The following SNX29 variants were observed in gnomAD, a reference collection of about 807,000 sequenced individuals.
SNX29 encodes sorting nexin 29, also known as sorting nexin-29.
In SNX29, 78 loss-of-function variants were observed where a neutral mutation model predicts 102.1. The ratio of observed to expected loss-of-function variants is 0.76; its 90% CI spans 0.64 to 0.92. SNX29 has a LOEUF of 0.92. Ranked by LOEUF, SNX29 falls within the 40% of genes least tolerant of loss-of-function variation. The pLI is 0.00. For missense variants in SNX29, 1,280 were observed against 1,061.7 expected (o/e 1.21, Z -2.86); for synonymous variants, 580 against 414.5 (o/e 1.40, Z -4.85).
At chr16:12,556,172 ACATCCCAGATGTTGCTGAGT>A (rs2078334594) in intron 20 of SNX29, among the ~76,000 whole-genome samples, 1 of 152,072 alleles carries the variant, frequency 6.6e-6, no homozygotes, top group African/African-American at 2.4e-5. Context: ...TCGCCATGAC[ACATCCCAGATGTTGCTGAGT>A]CTGAAATGCA....
intron 20 of SNX29, among the ~76,000 whole-genome samples, chr16:12,559,144 A>AC (rs965111253): frequency 6.6e-6 from 1 of 151,870 alleles, no homozygotes; most frequent in Admixed American, 6.6e-5. Context: ...CTGGTCCCCA[A>AC]CCCCTGGCCC....
At chr16:12,227,948 C>T (rs1211527513) in intron 14 of SNX29, among the ~76,000 whole-genome samples, 1 of 144,404 alleles carries the variant, frequency 6.9e-6, no homozygotes. Flanking sequence ...GGTCTCTGGA[C>T]CAGCAGTAGT....
At chr16:12,493,568 C>G (rs766867581) in intron 19 of SNX29, among the ~76,000 whole-genome samples, 6 of 152,164 alleles carry the variant, frequency 3.9e-5, no homozygotes, top group Non-Finnish European at 7.4e-5. Flanking sequence ...ACTTCCAACA[C>G]TATGTTGAAT....
chr16:12,356,012 G>T, intron 15 of SNX29, 151 bp from the exon 16 acceptor site: 2 of 636,500 alleles, frequency 3.1e-6, no homozygotes, highest in Non-Finnish European at 5.5e-6. Context: ...TGGATTGCAT[G>T]GTTCACAGGT....
At chr16:12,189,949 C>CT (rs1376986898) in intron 13 of SNX29, among the ~76,000 whole-genome samples, 1 of 152,134 alleles carries the variant, frequency 6.6e-6, no homozygotes, top group Non-Finnish European at 1.5e-5. Flanking sequence ...TCACCATTGA[C>CT]TTCTCACTTT....
chr16:12,543,352 C>CA (rs2077430265), intron 20 of SNX29, among the ~76,000 whole-genome samples: 1 of 152,134 alleles, frequency 6.6e-6, no homozygotes, highest in South Asian at 2.1e-4. Context: ...GCAGGGTGTT[C>CA]AGCCCACCTA....
intron 14 of SNX29, among the ~76,000 whole-genome samples, chr16:12,244,911 A>T (rs910395541): frequency 2.0e-5 from 3 of 152,220 alleles, no homozygotes; most frequent in African/African-American, 7.2e-5. Flanking sequence ...AAGAACAGTC[A>T]TGTTTCTCCT....
intron 9 of SNX29, among the ~76,000 whole-genome samples, chr16:12,066,120 T>C (rs1596752142): frequency 2.0e-5 from 3 of 152,118 alleles, no homozygotes; most frequent in African/African-American, 7.2e-5. Context: ...GAAGGCTGGG[T>C]GGGTCCATGC....
intron 14 of SNX29, among the ~76,000 whole-genome samples, chr16:12,248,040 G>A (rs2078310192): frequency 6.6e-6 from 1 of 152,198 alleles, no homozygotes; most frequent in Non-Finnish European, 1.5e-5. Context: ...GATTGTCACA[G>A]CAGCTTCCCC....
chr16:12,257,817 CGCACCCA>C (rs891874996), intron 14 of SNX29, among the ~76,000 whole-genome samples: 2 of 152,010 alleles, frequency 1.3e-5, no homozygotes, highest in African/African-American at 4.8e-5. Context: ...TGTGAGCCAC[CGCACCCA>C]GCACCCACTC....
At chr16:12,335,745 C>T (rs1023582750) in intron 15 of SNX29, among the ~76,000 whole-genome samples, 37 of 151,876 alleles carry the variant, frequency 2.4e-4, no homozygotes, top group African/African-American at 8.9e-4. Flanking sequence ...TCTTTATGTG[C>T]TAGACAGTGT....
chr16:12,046,676 G>A (rs1322498726), intron 6 of SNX29, among the ~76,000 whole-genome samples: 9 of 152,204 alleles, frequency 5.9e-5, no homozygotes, highest in Non-Finnish European at 1.0e-4. Context: ...CTGGAGTGCA[G>A]TGATGCAACC....
Position 12,302,338 on chromosome 16 carries a change from G to A in SNX29, c.1782+24302G>A, listed in dbSNP as rs183889157. Among the ~76,000 whole-genome samples the A allele has an allele frequency of 2.0e-3, 311 of 152,302 alleles. 2 individuals are homozygous for A. The Middle Eastern group carries it at 0.027, about 13-fold the overall frequency. ...ACACTTCTATGTTTTTTGCACTGAC[G>A]CTGTAATTTTCTGTTTATCATTATT... On this transcript the variant is annotated intron_variant, in intron 15 of 20. Transcript: ENST00000566228.
chr16:12,296,326 A>G (rs2079980240), intron 15 of SNX29, among the ~76,000 whole-genome samples: 1 of 152,232 alleles, frequency 6.6e-6, no homozygotes, highest in South Asian at 2.1e-4. Context: ...GCTTTCAGCA[A>G]GTAGAATGCT....
At chr16:12,497,028 A>G (rs759628660) in intron 19 of SNX29, among the ~76,000 whole-genome samples, 6 of 152,146 alleles carry the variant, frequency 3.9e-5, no homozygotes, top group South Asian at 2.1e-4. Flanking sequence ...GTGAAGCCCA[A>G]GTGAACAGGT....
chr16:12,412,990 G>A (rs1388362116), intron 18 of SNX29, among the ~76,000 whole-genome samples: 2 of 152,164 alleles, frequency 1.3e-5, no homozygotes, highest in Non-Finnish European at 1.5e-5. Flanking sequence ...TAACCCATCC[G>A]GAGAGCTACC....
intron 18 of SNX29, among the ~76,000 whole-genome samples, chr16:12,449,513 G>C (rs1107032): frequency 0.41 from 61,866 of 151,940 alleles, 12,857 homozygotes; most frequent in African/African-American, 0.49. Context: ...CTGGCTTACA[G>C]AAAAAGGGAA....
In SNX29 at chr16:12,572,225, G is replaced by A. The variant is rs986190738; in HGVS notation, c.*3596G>A. 4.2e-5 allele frequency: 43 copies of A among 1,019,504 alleles called. No individual in the cohort carries two copies. The highest frequency in any genetic ancestry group is 5.1e-5 in the East Asian group (1 of 19,570). The allele number at this position is 1,019,504 out of a possible 1,614,324, so 63.2% of individuals were successfully genotyped here. Reference sequence around the variant, plus strand: ...TGTGCTTTAAAAACCAGAGGCTCCTGAAAGTCGTTTACACCAGGTGGATTG... The same window carrying A: ...TGTGCTTTAAAAACCAGAGGCTCCTAAAAGTCGTTTACACCAGGTGGATTG... On this transcript the variant is annotated 3_prime_UTR_variant, in exon 21 of 21. Coordinates refer to ENST00000566228, the MANE Select transcript of SNX29 (RefSeq NM_032167.5).
intron 15 of SNX29, among the ~76,000 whole-genome samples, chr16:12,348,212 T>C (rs1005684357): frequency 7.2e-5 from 11 of 152,182 alleles, no homozygotes; most frequent in African/African-American, 2.7e-4. Flanking sequence ...ACATGGAACA[T>C]CTGGAAGTCA....
Sources: allele counts gnomAD v4.1 joint callset (sites outside exome capture counted in the v4.1 genomes callset), GRCh38; gene constraint gnomAD v4.1.1; transcripts MANE v1.5; gene names NCBI Gene and HGNC (gene_info 2026-07-23, HGNC 2026-07-21).